The following FRMD4A variants were observed in gnomAD, a reference collection of about 807,000 sequenced individuals.
FRMD4A encodes FERM domain containing 4A.
A neutral mutation model predicts 129.1 loss-of-function variants in FRMD4A; 29 were observed. The observed-to-expected ratio is 0.22, with a 90% CI of 0.17 to 0.31. The LOEUF (loss-of-function observed/expected upper bound fraction) is 0.31, where lower values mean the gene tolerates loss of function less well. Ranked by LOEUF, FRMD4A falls within the 10% of genes least tolerant of loss-of-function variation. The probability of loss-of-function intolerance (pLI) is 1.00; values close to 1 mark genes in which losing one functional copy is unlikely to be tolerated. For synonymous variants in FRMD4A, 634 were observed against 571.6 expected (o/e 1.11, Z -1.56); for missense variants, 1,272 against 1,375.8 (o/e 0.92, Z 1.19).
chr10:14,189,838 A>T (rs1842262784), intron 2 of FRMD4A, among the ~76,000 whole-genome samples: 1 of 152,214 alleles, frequency 6.6e-6, no homozygotes, highest in Non-Finnish European at 1.5e-5. Flanking sequence ...ATTAATGAGA[A>T]CAATGGCAAA....
Position 14,110,731 on chromosome 10 carries a change from T to G in FRMD4A, c.45+219327A>C, listed in dbSNP as rs868238808. 6.7e-4 allele frequency among the ~76,000 whole-genome samples: 102 copies of G among 152,372 alleles called. 1 individual carries two copies. Among genetic ancestry groups the G allele is most frequent in the African/African-American group, 2.3e-3 (97 of 41,594 alleles). On this transcript the variant is annotated intron_variant, in intron 2 of 24. Transcript: ENST00000357447. ...CATTTTTCTTCTGCCACCATTGAAATGTTTTAATCTGCCAAACATACCTCA... is the reference window on the plus strand; with the variant it reads ...CATTTTTCTTCTGCCACCATTGAAAGGTTTTAATCTGCCAAACATACCTCA...
At chr10:13,985,215 T>C (rs747643601) in intron 2 of FRMD4A, among the ~76,000 whole-genome samples, 86 of 152,356 alleles carry the variant, frequency 5.6e-4, no homozygotes, top group Non-Finnish European at 1.1e-3. Context: ...CTCACGTGTT[T>C]GGCCCCTAGG....
At chr10:13,951,606 T>C (rs1039601384) in intron 2 of FRMD4A, among the ~76,000 whole-genome samples, 8 of 152,030 alleles carry the variant, frequency 5.3e-5, no homozygotes, top group African/African-American at 1.9e-4. Flanking sequence ...ATCTAAAATT[T>C]TGGCTGGGCG....
chr10:13,994,289 C>T (rs1201732639), intron 2 of FRMD4A, among the ~76,000 whole-genome samples: 1 of 151,040 alleles, frequency 6.6e-6, no homozygotes, highest in Non-Finnish European at 1.5e-5. Flanking sequence ...AAGCAATTCC[C>T]CTGCCTCAGC....
At chr10:14,320,016 T>C (rs1175584494) in intron 2 of FRMD4A, among the ~76,000 whole-genome samples, 5 of 152,168 alleles carry the variant, frequency 3.3e-5, no homozygotes, top group South Asian at 2.1e-4. Context: ...CCAATCCTGA[T>C]GGCTCTCCCT....
At chr10:13,885,818 C>T (rs1364056322) in intron 2 of FRMD4A, among the ~76,000 whole-genome samples, 1 of 152,132 alleles carries the variant, frequency 6.6e-6, no homozygotes, top group Non-Finnish European at 1.5e-5. Flanking sequence ...CTCAAGCAGC[C>T]CAATAAAAGG....
intron 2 of FRMD4A, among the ~76,000 whole-genome samples, chr10:14,261,066 G>A (rs549301771): frequency 8.5e-5 from 13 of 152,178 alleles, no homozygotes; most frequent in Admixed American, 2.0e-4. Flanking sequence ...ATAAACATAT[G>A]GGACTGAGAG....
intron 15 of FRMD4A, among the ~76,000 whole-genome samples, chr10:13,678,255 T>A (rs1474035006): frequency 1.3e-5 from 2 of 152,112 alleles, no homozygotes; most frequent in Admixed American, 6.6e-5. Flanking sequence ...TAATGCTGGT[T>A]GGCACCACTA....
At chr10:14,320,965 C>T (rs1468294283) in intron 2 of FRMD4A, among the ~76,000 whole-genome samples, 2 of 152,234 alleles carry the variant, frequency 1.3e-5, no homozygotes, top group African/African-American at 4.8e-5. Context: ...CTCAGTCACT[C>T]CTCTAAAGCT....
intron 2 of FRMD4A, among the ~76,000 whole-genome samples, chr10:14,073,614 A>G (rs1599817): frequency 0.086 from 13,093 of 151,892 alleles, 792 homozygotes; most frequent in East Asian, 0.26. Flanking sequence ...TGTTGTTGGC[A>G]TTGTCTTTGC....
chr10:13,793,715 T>C (rs1033395049), intron 5 of FRMD4A, among the ~76,000 whole-genome samples: 5 of 152,156 alleles, frequency 3.3e-5, no homozygotes, highest in African/African-American at 1.2e-4. Flanking sequence ...TTTTATGGAC[T>C]CAAGCCTATT....
chr10:14,126,050 T>C (rs919041687), intron 2 of FRMD4A, among the ~76,000 whole-genome samples: 1 of 152,168 alleles, frequency 6.6e-6, no homozygotes, highest in Non-Finnish European at 1.5e-5. Flanking sequence ...ATCACAGTGG[T>C]TGGAACTTCC....
intron 8 of FRMD4A, among the ~76,000 whole-genome samples, chr10:13,757,619 A>T (rs2091917086): frequency 6.6e-6 from 1 of 152,266 alleles, no homozygotes. Flanking sequence ...GCATCTGCTG[A>T]GCAAAACAGA....
chr10:13,653,394 T>TACTAGGAAGGCTGAGGC (rs1033580162), intron 23 of FRMD4A: 2 of 152,216 alleles, frequency 1.3e-5, no homozygotes, highest in African/African-American at 4.8e-5. Context: ...TAATCCCGGC[T>TACTAGGAAGGCTGAGGC]ACTAGGAAGG....
intron 2 of FRMD4A, among the ~76,000 whole-genome samples, chr10:13,993,028 A>G (rs1421189024): frequency 6.7e-6 from 1 of 150,118 alleles, no homozygotes; most frequent in East Asian, 1.9e-4. Context: ...ATATCCATTG[A>G]TCTGCTTCTC....
At chr10:13,669,079 T>C (rs2083301803) in intron 17 of FRMD4A, among the ~76,000 whole-genome samples, 1 of 102,966 alleles carries the variant, frequency 9.7e-6, no homozygotes, top group Non-Finnish European at 2.0e-5. Flanking sequence ...TTTTTTTTTT[T>C]TTTTGAGACA....
chr10:14,022,719 A>G (rs898042111), intron 2 of FRMD4A, among the ~76,000 whole-genome samples: 1 of 152,056 alleles, frequency 6.6e-6, no homozygotes, highest in Non-Finnish European at 1.5e-5. Context: ...TCAAAGATGC[A>G]CACTGGGGCT....
chr10:14,197,289 A>G (rs1454977516), intron 2 of FRMD4A, among the ~76,000 whole-genome samples: 1 of 152,228 alleles, frequency 6.6e-6, no homozygotes, highest in East Asian at 1.9e-4. Context: ...TTTTAAGGGC[A>G]AAAGGAGACA....
At chr10:14,075,668 AATTTCTGT>A (rs1322182961) in intron 2 of FRMD4A, among the ~76,000 whole-genome samples, 1 of 152,150 alleles carries the variant, frequency 6.6e-6, no homozygotes, top group African/African-American at 2.4e-5. Flanking sequence ...GTGTGGGTAT[AATTTCTGT>A]ATTATGTGTA....
Sources: allele counts gnomAD v4.1 joint callset (sites outside exome capture counted in the v4.1 genomes callset), GRCh38; gene constraint gnomAD v4.1.1; transcripts MANE v1.5; gene names NCBI Gene and HGNC (gene_info 2026-07-23, HGNC 2026-07-21).